The following CNNM2 variants were observed in gnomAD, a reference collection of about 807,000 sequenced individuals.
CNNM2 encodes cyclin and CBS domain divalent metal cation transport mediator 2.
In CNNM2, 12 loss-of-function variants were observed where a neutral mutation model predicts 66.9. The ratio of observed to expected loss-of-function variants is 0.18; its 90% confidence interval spans 0.11 to 0.29. The LOEUF (loss-of-function observed/expected upper bound fraction) is 0.29, where lower values mean the gene tolerates loss of function less well. Among genes scored for constraint, CNNM2 ranks in the 10% least tolerant of loss-of-function variants. The probability of loss-of-function intolerance (pLI) is 1.00; values close to 1 mark genes in which losing one functional copy is unlikely to be tolerated. For missense variants in CNNM2, 705 were observed against 1,167.7 expected (o/e 0.60, Z 5.77); for synonymous variants, 557 against 501.8 (o/e 1.11, Z -1.47).
intron 1 of CNNM2, among the ~76,000 whole-genome samples, chr10:103,035,444 G>A (rs1331943490): frequency 6.6e-6 from 1 of 152,126 alleles, no homozygotes; most frequent in Non-Finnish European, 1.5e-5. Flanking sequence ...AAAAGATGAA[G>A]TGGAGATGCC....
chr10:103,032,167 G>A (rs954162113), intron 1 of CNNM2, among the ~76,000 whole-genome samples: 5 of 152,202 alleles, frequency 3.3e-5, no homozygotes, highest in African/African-American at 7.2e-5. Flanking sequence ...TATACATTAG[G>A]GGCCGGGTAC....
intron 1 of CNNM2, among the ~76,000 whole-genome samples, chr10:102,931,656 CATGG>C (rs1846069354): frequency 6.6e-6 from 1 of 151,850 alleles, no homozygotes; most frequent in Non-Finnish European, 1.5e-5. Flanking sequence ...AGCGCCCGGC[CATGG>C]ACATTTATTT....
intron 1 of CNNM2, among the ~76,000 whole-genome samples, chr10:102,996,245 T>C (rs1056016898): frequency 2.6e-5 from 4 of 151,922 alleles, no homozygotes; most frequent in Admixed American, 6.6e-5. Context: ...TTTTTTTTTC[T>C]ATTGTTTTTC....
At chr10:103,016,552 G>A (rs1393909862) in intron 1 of CNNM2, among the ~76,000 whole-genome samples, 1 of 152,094 alleles carries the variant, frequency 6.6e-6, no homozygotes, top group East Asian at 1.9e-4. Flanking sequence ...CCACAAGCTT[G>A]TTTCCTGTGT....
intron 1 of CNNM2, among the ~76,000 whole-genome samples, chr10:102,935,605 A>AAT (rs367813910): frequency 5.2e-4 from 67 of 128,078 alleles, no homozygotes; most frequent in Non-Finnish European, 5.8e-4. Flanking sequence ...TTAAAAAAAA[A>AAT]TTTTTTTTTT....
chr10:103,043,077 G>A (rs2065069784), intron 1 of CNNM2, among the ~76,000 whole-genome samples: 1 of 152,148 alleles, frequency 6.6e-6, no homozygotes, highest in Non-Finnish European at 1.5e-5. Context: ...CAACTTCAGG[G>A]AAACATGAAG....
intron 1 of CNNM2, among the ~76,000 whole-genome samples, chr10:102,996,625 A>G (rs191893032): frequency 1.3e-5 from 2 of 152,368 alleles, no homozygotes; most frequent in East Asian, 1.9e-4. Flanking sequence ...GTTGAAGCTC[A>G]GTAAGCTGTG....
At chr10:102,985,857 A>G (rs985817800) in intron 1 of CNNM2, among the ~76,000 whole-genome samples, 1 of 152,204 alleles carries the variant, frequency 6.6e-6, no homozygotes, top group Non-Finnish European at 1.5e-5. Flanking sequence ...CTGAGGAGTG[A>G]TGTCTCCTAA....
intron 1 of CNNM2, among the ~76,000 whole-genome samples, chr10:102,956,395 T>C (rs1483110734): frequency 6.6e-6 from 1 of 152,102 alleles, no homozygotes; most frequent in Non-Finnish European, 1.5e-5. Flanking sequence ...GTTCAACTAT[T>C]GTGGAAGACA....
chr10:103,065,509 G>C (rs1409214584), intron 4 of CNNM2, among the ~76,000 whole-genome samples: 1 of 152,216 alleles, frequency 6.6e-6, no homozygotes, highest in East Asian at 1.9e-4. Flanking sequence ...CTGTTTTACA[G>C]TCTTGTTTTG....
At chr10:103,075,873 C>T (rs866220097) in intron 6 of CNNM2, among the ~76,000 whole-genome samples, 1 of 152,130 alleles carries the variant, frequency 6.6e-6, no homozygotes, top group African/African-American at 2.4e-5. Context: ...ATACACAGGG[C>T]CAAGCAGCTG....
chr10:102,984,063 A>G, intron 1 of CNNM2, among the ~76,000 whole-genome samples: 1 of 152,182 alleles, frequency 6.6e-6, no homozygotes, highest in East Asian at 1.9e-4. Context: ...GCCAGATTGT[A>G]AATTTTATGA....
chr10:103,068,420 A>G, intron 4 of CNNM2: 1 of 549,718 alleles, frequency 1.8e-6, no homozygotes, highest in Admixed American at 3.0e-5. Flanking sequence ...TTACACTGTC[A>G]CCTCTGTATA....
chr10:102,946,204 G>A (rs1846612669), intron 1 of CNNM2, among the ~76,000 whole-genome samples: 1 of 152,156 alleles, frequency 6.6e-6, no homozygotes, highest in Non-Finnish European at 1.5e-5. Context: ...GAAGATGAAG[G>A]TGTTCTTAGG....
At chr10:102,968,667 G>A (rs1289467211) in intron 1 of CNNM2, among the ~76,000 whole-genome samples, 3 of 150,950 alleles carry the variant, frequency 2.0e-5, no homozygotes, top group East Asian at 1.9e-4. Flanking sequence ...TCAGTGGTGC[G>A]ATTATAGCTC....
intron 1 of CNNM2, among the ~76,000 whole-genome samples, chr10:102,924,753 T>TGGG (rs1212641865): frequency 5.5e-4 from 84 of 152,224 alleles, no homozygotes; most frequent in African/African-American, 1.9e-3. Flanking sequence ...TACAGGTGCA[T>TGGG]GCCACCATGC....
At chr10:103,038,056 T>C (rs2064974213) in intron 1 of CNNM2, among the ~76,000 whole-genome samples, 1 of 152,134 alleles carries the variant, frequency 6.6e-6, no homozygotes, top group Admixed American at 6.6e-5. Context: ...GCCAGCCTGG[T>C]CTCGAACTCC....
In CNNM2 at chr10:103,058,099, T is replaced by C. The variant is rs143911947; in HGVS notation, c.2073+1135T>C. ...GGTGTTTGGAAGCAGGAGTGAGGAG[T>C]AGGAAAATGCCGAGGGTTAGCTGAT... On this transcript the variant is annotated intron_variant, in intron 4 of 7. Coordinates refer to ENST00000369878, the MANE Select transcript of CNNM2 (RefSeq NM_017649.5). Among the ~76,000 whole-genome samples the C allele has an allele frequency of 6.3e-3, 956 of 152,252 alleles. 15 individuals carry two copies. Among genetic ancestry groups the C allele is most frequent in the African/African-American group, 0.022 (904 of 41,536 alleles).
chr10:103,050,888 G>A (rs1193273685), intron 2 of CNNM2, among the ~76,000 whole-genome samples: 3 of 152,096 alleles, frequency 2.0e-5, no homozygotes, highest in African/African-American at 7.2e-5. Context: ...AAATATGATT[G>A]CTGGACTGTG....
Sources: allele counts gnomAD v4.1 joint callset (sites outside exome capture counted in the v4.1 genomes callset), GRCh38; gene constraint gnomAD v4.1.1; transcripts MANE v1.5; gene names NCBI Gene and HGNC (gene_info 2026-07-23, HGNC 2026-07-21).